L3MBTL4: variants seen among roughly 807,000 people sequenced by gnomAD.
L3MBTL4 encodes lethal(3)malignant brain tumor-like protein 4.
In L3MBTL4, 70 loss-of-function variants were observed where a neutral mutation model predicts 84.5. The observed-to-expected ratio is 0.83, with a 90% CI of 0.68 to 1.01. The LOEUF (loss-of-function observed/expected upper bound fraction) is 1.01, where lower values mean the gene tolerates loss of function less well. Among genes scored for constraint, L3MBTL4 ranks in the 50% least tolerant of loss-of-function variants. L3MBTL4 has a pLI of 0.00. For missense variants in L3MBTL4, 715 were observed against 754.8 expected (o/e 0.95, Z 0.62); for synonymous variants, 274 against 259.8 (o/e 1.05, Z -0.52).
chr18:6,245,528 A>G (rs1352569336), intron 5 of L3MBTL4, among the ~76,000 whole-genome samples: 1 of 151,932 alleles, frequency 6.6e-6, no homozygotes, highest in Non-Finnish European at 1.5e-5. Flanking sequence ...TATTTTCTAT[A>G]CATTCTACAT....
At chr18:6,062,918 G>A (rs2057277793) in intron 16 of L3MBTL4, among the ~76,000 whole-genome samples, 1 of 151,358 alleles carries the variant, frequency 6.6e-6, no homozygotes, top group Non-Finnish European at 1.5e-5. Context: ...TGAGATTTTA[G>A]TGCACCCGTC....
chr18:6,008,595 C>T (rs915313563), intron 16 of L3MBTL4, among the ~76,000 whole-genome samples: 2 of 152,078 alleles, frequency 1.3e-5, no homozygotes, highest in Admixed American at 6.6e-5. Flanking sequence ...AGGGCATAAT[C>T]GTGTCTGGGG....
intron 16 of L3MBTL4, among the ~76,000 whole-genome samples, chr18:5,993,115 C>T (rs1038317337): frequency 2.0e-5 from 3 of 152,192 alleles, no homozygotes; most frequent in African/African-American, 7.2e-5. Flanking sequence ...GACCTCGTGG[C>T]CTGTTCTCTT....
intron 16 of L3MBTL4, among the ~76,000 whole-genome samples, chr18:6,043,375 T>TC (rs1186351875): frequency 6.6e-6 from 1 of 152,188 alleles, no homozygotes; most frequent in Non-Finnish European, 1.5e-5. Flanking sequence ...CAGGCAGTAT[T>TC]CCAGGCCTGG....
At chr18:6,022,595 G>T (rs1826411297) in intron 16 of L3MBTL4, among the ~76,000 whole-genome samples, 1 of 152,160 alleles carries the variant, frequency 6.6e-6, no homozygotes, top group African/African-American at 2.4e-5. Context: ...ATCCACCTGT[G>T]TGCCAAGCAT....
chr18:6,082,341 TATTTAC>T, intron 15 of L3MBTL4: 1 of 152,308 alleles, frequency 6.6e-6, no homozygotes, highest in Non-Finnish European at 1.5e-5. Flanking sequence ...CATGCTTTGA[TATTTAC>T]ATTCTTGTAG....
intron 16 of L3MBTL4, among the ~76,000 whole-genome samples, chr18:6,058,785 C>T (rs2057109512): frequency 1.3e-5 from 2 of 152,122 alleles, no homozygotes; most frequent in Non-Finnish European, 2.9e-5. Flanking sequence ...GATGGAAATG[C>T]CACATCTTTC....
intron 16 of L3MBTL4, among the ~76,000 whole-genome samples, chr18:6,058,023 A>G (rs553271416): frequency 2.0e-5 from 3 of 152,366 alleles, no homozygotes; most frequent in Non-Finnish European, 4.4e-5. Flanking sequence ...ACTTAACTCA[A>G]GTATGCTGGA....
intron 5 of L3MBTL4, among the ~76,000 whole-genome samples, chr18:6,254,619 C>T: frequency 6.6e-6 from 1 of 151,974 alleles, no homozygotes; most frequent in Non-Finnish European, 1.5e-5. Flanking sequence ...ACTTAGAATC[C>T]TAAACTGCTG....
At chr18:6,339,542 A>G (rs2052507523) in intron 1 of L3MBTL4, among the ~76,000 whole-genome samples, 1 of 151,930 alleles carries the variant, frequency 6.6e-6, no homozygotes. Flanking sequence ...CATGAGCTAG[A>G]AAAGGAACAG....
rs484985 is a variant in L3MBTL4, at chr18:6,273,443, C to T, written c.128-9405G>A. ...CTACAGAGCGGTGCCTTCAGGAGCA[C>T]GGGGAAAGGGAGAGTTGTGCAAATT... On this transcript the variant is annotated intron_variant, in intron 4 of 18. Coordinates refer to ENST00000317931, the MANE Select transcript of L3MBTL4 (RefSeq NM_001330559.2). Among the ~76,000 whole-genome samples the T allele has an allele frequency of 3.5e-4, 25 of 71,940 alleles. 5 individuals are homozygous for T. The highest frequency in any genetic ancestry group is 2.0e-3 in the African/African-American group (25 of 12,280). 47.2% of individuals were successfully genotyped at this position (71,940 alleles called of 152,430 possible).
At chr18:6,234,934 T>A (rs542642650) in intron 10 of L3MBTL4, among the ~76,000 whole-genome samples, 27 of 152,206 alleles carry the variant, frequency 1.8e-4, no homozygotes, top group African/African-American at 6.0e-4. Context: ...CCATCAGTCA[T>A]AGACTGAATT....
At chr18:6,310,604 C>T (rs1249817162) in intron 3 of L3MBTL4, among the ~76,000 whole-genome samples, 1 of 152,168 alleles carries the variant, frequency 6.6e-6, no homozygotes, top group East Asian at 1.9e-4. Flanking sequence ...TAACCACAAA[C>T]CACACGAAGA....
At chr18:6,106,561 T>C (rs1190200085) in intron 14 of L3MBTL4, among the ~76,000 whole-genome samples, 2 of 152,336 alleles carry the variant, frequency 1.3e-5, no homozygotes, top group South Asian at 4.1e-4. Flanking sequence ...GGATAATTTC[T>C]TATGGGGACA....
chr18:6,295,080 T>C (rs2050031744), intron 4 of L3MBTL4, among the ~76,000 whole-genome samples: 2 of 152,040 alleles, frequency 1.3e-5, no homozygotes, highest in African/African-American at 2.4e-5. Flanking sequence ...GAGACCAGGC[T>C]GGACAACACA....
chr18:6,047,222 C>T (rs1299878148), intron 16 of L3MBTL4, among the ~76,000 whole-genome samples: 2 of 152,114 alleles, frequency 1.3e-5, no homozygotes, highest in African/African-American at 2.4e-5. Context: ...CTTGAGCAGA[C>T]CAACATCTAG....
At position 6,030,993 on chromosome 18, in the gene L3MBTL4, C is replaced by T. The variant is rs1017581755; in HGVS notation, c.1444+49888G>A. ...AAATTAATTCTACAATTTCATCTTT[C>T]CCTTTACCAAGCTGGTCCATGTTTC... On this transcript the variant is annotated intron_variant, in intron 16 of 18. Transcript: ENST00000317931. 4 of 984,866 alleles carry T rather than the reference C, an allele frequency of 4.1e-6. No individual in the cohort carries two copies. The African/African-American group carries it at 5.2e-5, about 13-fold the overall frequency. 61.0% of individuals were successfully genotyped at this position (984,866 alleles called of 1,614,324 possible).
chr18:6,208,929 T>C (rs1372425210), intron 12 of L3MBTL4, among the ~76,000 whole-genome samples: 1 of 152,160 alleles, frequency 6.6e-6, no homozygotes, highest in Admixed American at 6.5e-5. Context: ...ATTTTCAGTA[T>C]AAAAATCAGA....
At chr18:5,981,815 T>G (rs1013053990) in intron 16 of L3MBTL4, among the ~76,000 whole-genome samples, 2 of 152,110 alleles carry the variant, frequency 1.3e-5, no homozygotes, top group African/African-American at 2.4e-5. Context: ...AAAAATTTTT[T>G]TTTTAAAAAT....
Sources: gnomAD v4.1 joint callset for allele counts (sites outside exome capture counted in the v4.1 genomes callset) on GRCh38, gnomAD v4.1.1 for gene constraint, MANE v1.5 for transcripts, NCBI Gene and HGNC (gene_info 2026-07-23, HGNC 2026-07-21) for gene names.